The following KPNA5 variants were observed in gnomAD, a reference collection of about 807,000 sequenced individuals.
KPNA5 encodes importin subunit alpha-6.
Under a neutral mutation model 71.3 loss-of-function variants are expected in KPNA5, and 46 were observed. The observed-to-expected ratio is 0.65, with a 90% CI of 0.51 to 0.83. The LOEUF (loss-of-function observed/expected upper bound fraction) is 0.83. Among genes scored for constraint, KPNA5 ranks in the 40% least tolerant of loss-of-function variants. KPNA5 has a pLI of 0.00. For synonymous variants in KPNA5, 207 were observed against 201.4 expected, an observed-to-expected ratio of 1.03 and a Z score of -0.24; for missense variants, 547 against 628.3, an observed-to-expected ratio of 0.87 and a Z score of 1.38.
Position 116,718,357 on chromosome 6 carries a change from G to T in KPNA5, c.756+2039G>T, listed in dbSNP as rs571819662. 1.3e-4 allele frequency among the ~76,000 whole-genome samples: 19 copies of T among 151,252 alleles called. No individual in the cohort carries two copies. The South Asian group carries it at 4.0e-3, about 32-fold the overall frequency. ...AGCTCACTGCAACCTCCGCCTCCCG[G>T]GTTCAAGCTATTCTCCTGCCCCAGC... On this transcript the variant is annotated intron_variant, in intron 8 of 13. Transcript: ENST00000368564.
chr6:116,716,363 TAA>T (rs755029882), intron 8 of KPNA5, 45 bp downstream of exon 8: 115 of 1,281,860 alleles, frequency 9.0e-5, no homozygotes, highest in Non-Finnish European at 1.2e-4. Flanking sequence ...TCCATAAACC[TAA>T]GTTTCTATAT....
At chr6:116,727,489 CTAAAGA>C (rs1779333070) in intron 12 of KPNA5, among the ~76,000 whole-genome samples, 1 of 151,968 alleles carries the variant, frequency 6.6e-6, no homozygotes, top group African/African-American at 2.4e-5. Context: ...TATAAGTAAT[CTAAAGA>C]TAATTTCAAA....
chr6:116,711,308 G>T, intron 7 of KPNA5, among the ~76,000 whole-genome samples: 1 of 145,762 alleles, frequency 6.9e-6, no homozygotes, highest in African/African-American at 2.5e-5. Flanking sequence ...TTGATTTTCT[G>T]TAGTGTTTTT....
intron 6 of KPNA5, among the ~76,000 whole-genome samples, chr6:116,703,419 C>A (rs549174544): frequency 6.6e-6 from 1 of 152,048 alleles, no homozygotes; most frequent in East Asian, 1.9e-4. Context: ...CCTGCCACCA[C>A]GCCCGGCTAG....
chr6:116,730,639 T>TAGCAA (rs1164514905), intron 13 of KPNA5, among the ~76,000 whole-genome samples: 1 of 152,198 alleles, frequency 6.6e-6, no homozygotes, highest in Non-Finnish European at 1.5e-5. Flanking sequence ...CAAAGGCCTG[T>TAGCAA]TGCTGACAGT....
intron 2 of KPNA5, among the ~76,000 whole-genome samples, chr6:116,691,054 C>G (rs1201140552): frequency 6.6e-6 from 1 of 152,054 alleles, no homozygotes; most frequent in Non-Finnish European, 1.5e-5. Flanking sequence ...CATGGTGAAA[C>G]CCCGTCTCTA....
At chr6:116,700,305 T>A (rs1039949295) in intron 5 of KPNA5, among the ~76,000 whole-genome samples, 3 of 135,630 alleles carry the variant, frequency 2.2e-5, no homozygotes, top group Admixed American at 7.2e-5. Flanking sequence ...ACCTCATCTC[T>A]ACAAAAAAAT....
In KPNA5 at chr6:116,722,260, A is replaced by C; in HGVS notation, c.891A>C (p.Gly297=). ...AAATTCAAGCAGTCATTGATTCTGG[A>C]GTCTGTCGAAGATTGGTGGAACTTT... ...NDKIQAVIDS[G]VCRRLVELLM... Residue 297 remains glycine (G), a synonymous_variant, in exon 9 of 14, where the codon GGA becomes GGC. Coordinates refer to ENST00000368564, the MANE Select transcript of KPNA5 (RefSeq NM_001366306.2). 6.2e-7 allele frequency: 1 copy of C among 1,610,642 alleles called. No homozygotes were observed. The highest frequency in any genetic ancestry group is 1.1e-5 in the South Asian group (1 of 90,064).
chr6:116,683,602 T>C (rs563972386), intron 1 of KPNA5, among the ~76,000 whole-genome samples: 6 of 152,046 alleles, frequency 3.9e-5, no homozygotes, highest in African/African-American at 1.4e-4. Context: ...TTTTTTGAGA[T>C]GGAGTCTCAC....
intron 5 of KPNA5, among the ~76,000 whole-genome samples, chr6:116,700,667 T>C (rs778624670): frequency 1.3e-5 from 2 of 152,210 alleles, no homozygotes; most frequent in Non-Finnish European, 2.9e-5. Context: ...AAACAAGTTT[T>C]GTTGGCCTGA....
At chr6:116,728,664 G>A (rs1562456297) in intron 12 of KPNA5, among the ~76,000 whole-genome samples, 1 of 151,768 alleles carries the variant, frequency 6.6e-6, no homozygotes, top group African/African-American at 2.4e-5. Context: ...TTTTAAGAGG[G>A]ACAGAAACTT....
intron 7 of KPNA5, 87 bp downstream of exon 7, chr6:116,705,247 T>G (rs1778396772): frequency 9.8e-7 from 1 of 1,016,088 alleles, no homozygotes; most frequent in Non-Finnish European, 1.4e-6. Flanking sequence ...TCAGTCATAC[T>G]TGTAAATTTG....
intron 4 of KPNA5, among the ~76,000 whole-genome samples, chr6:116,696,859 A>AT (rs1778047194): frequency 6.6e-6 from 1 of 151,996 alleles, no homozygotes; most frequent in Admixed American, 6.6e-5. Context: ...GTGCACTTTA[A>AT]TTGCTTTCTT....
Position 116,734,203 on chromosome 6 carries a change from CAG to C in KPNA5, c.*1881_*1882del, listed in dbSNP as rs1375656908. ...GCAGATGGTTCTAAGTATCAGGTGA[CAG>C]GGTATTCTACTCTTTCTAGTCAATT... is the stretch of plus-strand genomic sequence containing the variant. On this transcript the variant is annotated 3_prime_UTR_variant, in exon 14 of 14. Coordinates refer to ENST00000368564, the MANE Select transcript of KPNA5 (RefSeq NM_001366306.2). The C allele has an allele frequency of 6.6e-6, 1 of 151,662 alleles. No individual in the cohort carries two copies. Among genetic ancestry groups the C allele is most frequent in the Non-Finnish European group, 1.5e-5 (1 of 67,712 alleles). 9.4% of individuals were successfully genotyped at this position (151,662 alleles called of 1,614,324 possible).
At chr6:116,731,492 T>C (rs1041431843) in intron 13 of KPNA5, among the ~76,000 whole-genome samples, 1 of 152,166 alleles carries the variant, frequency 6.6e-6, no homozygotes. Context: ...TTAAATGAAA[T>C]GTATTTTCAG....
chr6:116,696,105 A>C (rs867604256), intron 4 of KPNA5, among the ~76,000 whole-genome samples: 1 of 152,178 alleles, frequency 6.6e-6, no homozygotes, highest in African/African-American at 2.4e-5. Flanking sequence ...TTTGATCAGA[A>C]GACTTTGTCC....
intron 7 of KPNA5, among the ~76,000 whole-genome samples, chr6:116,715,180 A>AT (rs1158444795): frequency 3.3e-5 from 5 of 152,080 alleles, no homozygotes; most frequent in African/African-American, 7.2e-5. Context: ...TAAAACAGGG[A>AT]TTTTTTTAAC....
chr6:116,725,629 A>C, intron 10 of KPNA5, 122 bp from the exon 11 acceptor site: 1 of 889,472 alleles, frequency 1.1e-6, no homozygotes, highest in Non-Finnish European at 1.6e-6. Context: ...TTTGGGAGGA[A>C]TTTCTCCTTT....
chr6:116,715,324 A>G (rs988881374), intron 7 of KPNA5, among the ~76,000 whole-genome samples: 2 of 152,188 alleles, frequency 1.3e-5, no homozygotes, highest in African/African-American at 4.8e-5. Flanking sequence ...AAGGGGGTCC[A>G]CAACTCTAAA....
Sources: gnomAD v4.1 joint callset for allele counts (sites outside exome capture counted in the v4.1 genomes callset) on GRCh38, gnomAD v4.1.1 for gene constraint, MANE v1.5 for transcripts, NCBI Gene and HGNC (gene_info 2026-07-23, HGNC 2026-07-21) for gene names.